ARHGAP24: variants seen among roughly 807,000 people sequenced by gnomAD.
The protein encoded by ARHGAP24 is Rho GTPase activating protein 24.
ARHGAP24 carries 50 observed loss-of-function variants against 76.4 expected under a neutral mutation model. The observed-to-expected ratio is 0.65, with a 90% CI of 0.52 to 0.83. The LOEUF (loss-of-function observed/expected upper bound fraction) is 0.83, where lower values mean the gene tolerates loss of function less well. Among genes scored for constraint, ARHGAP24 ranks in the 40% least tolerant of loss-of-function variants. ARHGAP24 has a pLI of 0.00. For synonymous variants in ARHGAP24, 345 were observed against 323.3 expected, an observed-to-expected ratio of 1.07 and a Z score of -0.72; for missense variants, 930 against 914.2, an observed-to-expected ratio of 1.02 and a Z score of -0.22.
At chr4:85,483,949 C>T (rs1722920267) in intron 1 of ARHGAP24, among the ~76,000 whole-genome samples, 1 of 152,078 alleles carries the variant, frequency 6.6e-6, no homozygotes, top group Admixed American at 6.5e-5. Flanking sequence ...TCAAAGGTGG[C>T]ATTTGGAAAT....
intron 3 of ARHGAP24, among the ~76,000 whole-genome samples, chr4:85,885,146 A>G (rs1733486456): frequency 6.6e-6 from 1 of 152,058 alleles, no homozygotes; most frequent in Non-Finnish European, 1.5e-5. Context: ...GCATTTTAGG[A>G]TTTAGTTTCT....
chr4:85,530,502 C>A (rs529731352), intron 1 of ARHGAP24, among the ~76,000 whole-genome samples: 2 of 151,904 alleles, frequency 1.3e-5, no homozygotes, highest in Non-Finnish European at 2.9e-5. Context: ...GTTTTTAATA[C>A]CCTCATTTTT....
chr4:85,490,344 CAG>C (rs1723304475), intron 1 of ARHGAP24, among the ~76,000 whole-genome samples: 1 of 152,140 alleles, frequency 6.6e-6, no homozygotes, highest in Non-Finnish European at 1.5e-5. Flanking sequence ...ACTGTGTTTA[CAG>C]GCTTGGAGGC....
chr4:85,706,333 T>C (rs1342141011), intron 2 of ARHGAP24, among the ~76,000 whole-genome samples: 1 of 152,202 alleles, frequency 6.6e-6, no homozygotes, highest in Admixed American at 6.5e-5. Flanking sequence ...AAATGATTAA[T>C]GTACTGTGGA....
chr4:85,918,332 T>C (rs879336079), intron 3 of ARHGAP24, among the ~76,000 whole-genome samples: 69 of 152,064 alleles, frequency 4.5e-4, no homozygotes, highest in Admixed American at 5.2e-4. Flanking sequence ...GACTGCATCA[T>C]AAGGAATATT....
chr4:85,964,564 G>C (rs539597625), intron 5 of ARHGAP24, among the ~76,000 whole-genome samples: 1 of 152,174 alleles, frequency 6.6e-6, no homozygotes, highest in Non-Finnish European at 1.5e-5. Context: ...AGTAAGGAAT[G>C]GTGGTCAGAG....
At chr4:85,657,873 G>A (rs1425155054) in intron 2 of ARHGAP24, among the ~76,000 whole-genome samples, 1 of 152,128 alleles carries the variant, frequency 6.6e-6, no homozygotes, top group East Asian at 1.9e-4. Flanking sequence ...TTTCACCTCA[G>A]CCTCCCGAAT....
intron 2 of ARHGAP24, among the ~76,000 whole-genome samples, chr4:85,706,216 CT>C (rs1028362452): frequency 2.0e-5 from 3 of 151,568 alleles, no homozygotes; most frequent in African/African-American, 7.3e-5. Context: ...TAGAGAAATT[CT>C]TTTTTTTGAT....
chr4:85,482,886 C>T (rs1722870949), intron 1 of ARHGAP24, among the ~76,000 whole-genome samples: 1 of 152,104 alleles, frequency 6.6e-6, no homozygotes, highest in South Asian at 2.1e-4. Flanking sequence ...ATCTGGGATT[C>T]AAATTAAAGT....
chr4:85,842,926 G>A (rs1251578480), intron 3 of ARHGAP24, among the ~76,000 whole-genome samples: 2 of 152,122 alleles, frequency 1.3e-5, no homozygotes, highest in Non-Finnish European at 2.9e-5. Flanking sequence ...GAGACTTAGC[G>A]AGGTCAATTA....
chr4:85,888,202 ACCAG>A (rs1360064166), intron 3 of ARHGAP24, among the ~76,000 whole-genome samples: 1 of 152,066 alleles, frequency 6.6e-6, no homozygotes, highest in Non-Finnish European at 1.5e-5. Flanking sequence ...GGAGTTTGAG[ACCAG>A]CCTGGGCAAC....
At chr4:85,675,946 A>G (rs1722965627) in intron 2 of ARHGAP24, among the ~76,000 whole-genome samples, 1 of 152,208 alleles carries the variant, frequency 6.6e-6, no homozygotes, top group African/African-American at 2.4e-5. Flanking sequence ...GACATCCTGT[A>G]TACAGTCCCT....
At chr4:85,493,077 C>T (rs1723421936) in intron 1 of ARHGAP24, among the ~76,000 whole-genome samples, 1 of 152,146 alleles carries the variant, frequency 6.6e-6, no homozygotes, top group Non-Finnish European at 1.5e-5. Context: ...ACATTTTTGG[C>T]AAGAGTACCA....
At chr4:85,830,916 T>G (rs1458261151) in intron 3 of ARHGAP24, among the ~76,000 whole-genome samples, 1 of 152,074 alleles carries the variant, frequency 6.6e-6, no homozygotes, top group East Asian at 1.9e-4. Flanking sequence ...TCTGCAAGTC[T>G]GCTCAAGAGC....
Position 85,930,373 on chromosome 4 carries a change from A to G in ARHGAP24, c.391+6603A>G, listed in dbSNP as rs545301872. 9.1e-6 allele frequency: 9 copies of G among 987,186 alleles called. No individual in the cohort carries two copies. In the East Asian group the frequency reaches 6.8e-4, roughly 74 times the overall value. The allele number at this position is 987,186 out of a possible 1,614,324, so 61.2% of individuals were successfully genotyped here. On this transcript the variant is annotated intron_variant, in intron 4 of 9. Transcript: ENST00000395184. ...CAGGGGGGTCCTTTGAAAGAAATCT[A>G]TCATGCACTGAAATGCTTTCTGGAG... is the stretch of plus-strand genomic sequence containing the variant.
chr4:85,510,406 C>G lies in ARHGAP24; in HGVS notation c.-21+34847C>G, dbSNP rs191162755. ...GCATATTTTCCCTCCTAATGTACCACTCCCCTTTCTTTCACTCCTTCTCTT... is the reference window on the plus strand; with the variant it reads ...GCATATTTTCCCTCCTAATGTACCAGTCCCCTTTCTTTCACTCCTTCTCTT... On this transcript the variant is annotated intron_variant, in intron 1 of 9. Transcript: ENST00000395184. Among the ~76,000 whole-genome samples, 315 of 152,026 alleles carry G rather than the reference C, an allele frequency of 2.1e-3. 3 individuals are homozygous for G. Among genetic ancestry groups the G allele is most frequent in the Admixed American group, 0.02 (301 of 15,272 alleles).
chr4:85,624,231 A>G, intron 2 of ARHGAP24, among the ~76,000 whole-genome samples: 1 of 152,106 alleles, frequency 6.6e-6, no homozygotes, highest in East Asian at 1.9e-4. Flanking sequence ...TTTGTCATAG[A>G]TAGCTCTTAT....
chr4:85,811,706 T>G (rs888581946), intron 3 of ARHGAP24, among the ~76,000 whole-genome samples: 3 of 152,226 alleles, frequency 2.0e-5, no homozygotes, highest in African/African-American at 7.2e-5. Flanking sequence ...TATTTTGTTA[T>G]TATGTGGATA....
chr4:85,916,990 C>A (rs1338468845), intron 3 of ARHGAP24, among the ~76,000 whole-genome samples: 3 of 151,950 alleles, frequency 2.0e-5, no homozygotes, highest in Non-Finnish European at 4.4e-5. Flanking sequence ...TATACATGTG[C>A]CATATTGGTG....
Sources: gnomAD v4.1 joint callset for allele counts (sites outside exome capture counted in the v4.1 genomes callset) on GRCh38, gnomAD v4.1.1 for gene constraint, MANE v1.5 for transcripts, NCBI Gene and HGNC (gene_info 2026-07-23, HGNC 2026-07-21) for gene names.